Variants in TUBB2A observed in about 807,000 individuals in gnomAD.
TUBB2A encodes the protein tubulin beta 2A class IIa, also known as tubulin beta-2A chain.
TUBB2A carries 7 observed loss-of-function variants against 33.9 expected under a neutral mutation model. The ratio of observed to expected loss-of-function variants is 0.21; its 90% CI spans 0.12 to 0.39. The LOEUF (loss-of-function observed/expected upper bound fraction) is 0.39. Ranked by LOEUF, TUBB2A falls within the 10% of genes least tolerant of loss-of-function variation. TUBB2A has a pLI of 1.00. For missense variants in TUBB2A, 80 were observed against 593.4 expected (o/e 0.13, Z 8.99); for synonymous variants, 187 against 247.6 (o/e 0.76, Z 2.30).
In TUBB2A at chr6:3,155,089, A is replaced by G; in HGVS notation, c.278-166T>C. On this transcript the variant is annotated intron_variant, in intron 3 of 3. Transcript: ENST00000333628. This position sits in a 1 kb window ranked among gnomAD's most constrained non-coding sequence, Gnocchi z 4.2. ...ATATTTTTCTATGTCAGTGACCTCA[A>G]AAACACTGGGGATCATAATAAAGTA... The G allele has an allele frequency of 1.4e-6, 2 of 1,470,636 alleles. No individual in the cohort carries two copies. Among genetic ancestry groups the G allele is most frequent in the Non-Finnish European group, 1.8e-6 (2 of 1,105,474 alleles). The allele number at this position is 1,470,636 out of a possible 1,614,324, so 91.1% of individuals were successfully genotyped here.
Position 3,153,759 on chromosome 6 carries a change from A to C in TUBB2A, c.*104T>G, listed in dbSNP as rs1420258461. ...CCACATCATTACATCAACAGTGTGA[A>C]TTTCTAACAGAGGCAAAACTGAGCA... is the stretch of plus-strand genomic sequence containing the variant. On this transcript the variant is annotated 3_prime_UTR_variant, in exon 4 of 4. Coordinates refer to ENST00000333628, the MANE Select transcript of TUBB2A (RefSeq NM_001069.3). 6.5e-7 allele frequency: 1 copy of C among 1,540,468 alleles called. No individual in the cohort carries two copies. The highest frequency in any genetic ancestry group is 8.8e-7 in the Non-Finnish European group (1 of 1,134,708).
At position 3,155,338 on chromosome 6, in the gene TUBB2A, C is replaced by T. The variant is rs549941743; in HGVS notation, c.277+287G>A. On this transcript the variant is annotated intron_variant, in intron 3 of 3. Coordinates refer to ENST00000333628, the MANE Select transcript of TUBB2A (RefSeq NM_001069.3). This position sits in a 1 kb window ranked among gnomAD's most constrained non-coding sequence, Gnocchi z 4.2. ...TTTTGGCCCCTGGCTCTTTGAAGTC[C>T]TTTCAAGTTGCCTATAGCCTATGAA... Among the ~76,000 whole-genome samples the T allele has an allele frequency of 2.0e-5, 3 of 152,328 alleles. No individual in the cohort carries two copies. The highest frequency in any genetic ancestry group is 7.2e-5 in the African/African-American group (3 of 41,584).
chr6:3,156,667 G>A (rs1161344332), intron 1 of TUBB2A, among the ~76,000 whole-genome samples: 2 of 152,262 alleles, frequency 1.3e-5, no homozygotes, highest in African/African-American at 4.8e-5. Flanking sequence ...GGAGGGACTG[G>A]GCGAAGGGCA....
intron 1 of TUBB2A, among the ~76,000 whole-genome samples, chr6:3,157,007 G>A (rs1398050311): frequency 3.3e-5 from 5 of 152,204 alleles, no homozygotes; most frequent in Non-Finnish European, 7.3e-5. Flanking sequence ...CGACCCAAAG[G>A]GACGCCTCTG....
chr6:3,154,998 G>T, intron 3 of TUBB2A, 75 bp from the exon 4 acceptor site: 1 of 1,596,410 alleles, frequency 6.3e-7, no homozygotes, highest in Non-Finnish European at 8.5e-7. Context: ...CTATGGAGGA[G>T]AAGGTAGGAC....
chr6:3,157,131 A>C (rs1407133518), intron 1 of TUBB2A, among the ~76,000 whole-genome samples: 1 of 152,256 alleles, frequency 6.6e-6, no homozygotes, highest in African/African-American at 2.4e-5. Context: ...CCCCGACCCA[A>C]GTTTCTGAGA....
Position 3,153,817 on chromosome 6 carries a change from G to A in TUBB2A, c.*46C>T, listed in dbSNP as rs1762586745. 1 of 1,609,922 alleles carries A rather than the reference G, an allele frequency of 6.2e-7. No homozygotes were observed. The highest frequency in any genetic ancestry group is 2.2e-5 in the East Asian group (1 of 44,794). On this transcript the variant is annotated 3_prime_UTR_variant, in exon 4 of 4. Coordinates refer to ENST00000333628, the MANE Select transcript of TUBB2A (RefSeq NM_001069.3). The stretch of plus-strand genomic sequence containing the variant: ...TTACAAGTAGAAAGACCATGCTTGA[G>A]GACAACAGAAGTTCACTAAGGATGC...
intron 1 of TUBB2A, among the ~76,000 whole-genome samples, chr6:3,156,695 C>A (rs1762640810): frequency 5.3e-5 from 8 of 152,360 alleles, no homozygotes; most frequent in Admixed American, 5.2e-4. Context: ...CCTGGGAGGG[C>A]ACCTGGGCGG....
chr6:3,155,846 A>G lies in TUBB2A; in HGVS notation c.167-111T>C. On this transcript the variant is annotated intron_variant, in intron 2 of 3. Coordinates refer to ENST00000333628, the MANE Select transcript of TUBB2A (RefSeq NM_001069.3). This position sits in a 1 kb window ranked among gnomAD's most constrained non-coding sequence, Gnocchi z 4.2. ...AACAGGAGATTTTCTGCTTTTAAGAAAAAGGAGGTCCTGAGTGTGCTTAGC... is the reference window on the plus strand; with the variant it reads ...AACAGGAGATTTTCTGCTTTTAAGAGAAAGGAGGTCCTGAGTGTGCTTAGC... The G allele has an allele frequency of 7.5e-7, 1 of 1,340,884 alleles. No homozygotes were observed. The highest frequency in any genetic ancestry group is 1.4e-5 in the South Asian group (1 of 70,510). The allele number at this position is 1,340,884 out of a possible 1,614,324, so 83.1% of individuals were successfully genotyped here. A position where few individuals can be genotyped will look rare whatever the true frequency, so the allele number is the denominator to read the frequency against.
Position 3,153,879 on chromosome 6 carries a change from C to T in TUBB2A, c.1322G>A (p.Gly441Asp), listed in dbSNP as rs1347652843. The change falls in exon 4 of 4, where the codon GGC (glycine) becomes GAC (aspartate). Residue 441 changes from glycine (G) to aspartate (D), a missense_variant. Around this residue, in one of 5 missense-constraint regions of TUBB2A, gnomAD observed 15 missense variants for 23.2 expected, o/e 0.65. Transcript: ENST00000333628. The stretch of plus-strand genomic sequence containing the variant: ...GAGAAGTTTTTAAGCCTCGTCCTCG[C>T]CCTCCTCCTCCTCGAACTCCCCTTG... ...DEQGEFEEEEGEDEA is the reference protein window; with the variant it reads ...DEQGEFEEEEDEDEA 1 of 1,613,918 alleles carries T rather than the reference C, an allele frequency of 6.2e-7. No homozygotes were observed. The highest frequency in any genetic ancestry group is 1.3e-5 in the African/African-American group (1 of 74,876).
At chr6:3,157,341 C>G in intron 1 of TUBB2A, 66 bp downstream of exon 1, 1 of 1,344,230 alleles carries the variant, frequency 7.4e-7, no homozygotes, top group Non-Finnish European at 9.5e-7. Flanking sequence ...GGCCTCCAGC[C>G]CCCGCCCCGG....
chr6:3,155,961 T>G lies in TUBB2A; in HGVS notation c.166+83A>C. On this transcript the variant is annotated intron_variant, in intron 2 of 3. Transcript: ENST00000333628. The surrounding 1 kb of genome is among the most constrained non-coding windows in gnomAD (Gnocchi z 4.2). ...AATGAATATGCAAGAAGCATGCCTT[T>G]GTCACGTGCATGTTCCTGGGACGTT... is the stretch of plus-strand genomic sequence containing the variant. 1 of 1,446,374 alleles carries G rather than the reference T, an allele frequency of 6.9e-7. No individual in the cohort carries two copies. 89.6% of individuals were successfully genotyped at this position (1,446,374 alleles called of 1,614,324 possible).
Position 3,155,036 on chromosome 6 carries a change from T to G in TUBB2A, c.278-113A>C. ...GTCTTAGACTGGCAGATTCTTCTCT[T>G]TTGAATACTCTTCTTTTACCTGAAG... On this transcript the variant is annotated intron_variant, in intron 3 of 3. Coordinates refer to ENST00000333628, the MANE Select transcript of TUBB2A (RefSeq NM_001069.3). The surrounding 1 kb of genome is among the most constrained non-coding windows in gnomAD (Gnocchi z 4.2). The G allele has an allele frequency of 6.5e-7, 1 of 1,540,854 alleles. No homozygotes were observed. The highest frequency in any genetic ancestry group is 8.8e-7 in the Non-Finnish European group (1 of 1,139,764).
Position 3,154,634 on chromosome 6 carries a change from G to A in TUBB2A, c.567C>T (p.Val189=). The A allele has an allele frequency of 6.2e-7, 1 of 1,614,068 alleles. No individual in the cohort carries two copies. The highest frequency in any genetic ancestry group is 1.3e-5 in the African/African-American group (1 of 75,028). The change falls in exon 4 of 4, where the codon GTC becomes GTT. Residue 189 remains valine, a synonymous_variant. Coordinates refer to ENST00000333628, the MANE Select transcript of TUBB2A (RefSeq NM_001069.3). ...CATCTGTGTTTTCCACCAGCTGGTG[G>A]ACAGAGAGGGTGGCGTTGTAGGGCT... is the stretch of plus-strand genomic sequence containing the variant. ...VVEPYNATLS[V]HQLVENTDET...
rs898054770 is a variant in TUBB2A at position 3,157,451 on chromosome 6, C to G, written c.13G>C (p.Val5Leu). The change falls in exon 1 of 4, where the codon GTG becomes CTG. Residue 5 changes from valine to leucine, a missense_variant. Around this residue, in one of 5 missense-constraint regions of TUBB2A, gnomAD observed 13 missense variants for 26.6 expected, o/e 0.49. Transcript: ENST00000333628. MREI[V>L]HIQAGQCGNQ... ...CCGCACTGGCCCGCCTGGATGTGCA[C>G]GATCTCGCGCATGGTGCCGGCTGCG... is the stretch of plus-strand genomic sequence containing the variant. 3 of 1,543,252 alleles carry G rather than the reference C, an allele frequency of 1.9e-6. No homozygotes were observed. The highest frequency in any genetic ancestry group is 2.6e-6 in the Non-Finnish European group (3 of 1,151,214).
chr6:3,153,971 C>T lies in TUBB2A; in HGVS notation c.1230G>A (p.Glu410=), dbSNP rs1273796350. Residue 410 remains glutamate (E), a synonymous_variant, in exon 4 of 4, where the codon GAG becomes GAA. Coordinates refer to ENST00000333628, the MANE Select transcript of TUBB2A (RefSeq NM_001069.3). ...GEGMDEMEFT[E]AESNMNDLVS... ...CCAGGTCGTTCATGTTGCTCTCGGCCTCGGTGAACTCCATCTCGTCCATGC... is the reference window on the plus strand; with the variant it reads ...CCAGGTCGTTCATGTTGCTCTCGGCTTCGGTGAACTCCATCTCGTCCATGC... 3 of 1,609,242 alleles carry T rather than the reference C, an allele frequency of 1.9e-6. No individual in the cohort carries two copies. The highest frequency in any genetic ancestry group is 1.4e-5 in the African/African-American group (1 of 73,374).
At chr6:3,156,407 C>A (rs1167745887) in intron 1 of TUBB2A, among the ~76,000 whole-genome samples, 1 of 152,310 alleles carries the variant, frequency 6.6e-6, no homozygotes. Context: ...GGAGGGGACA[C>A]AGCAGATGCC....
Position 3,154,532 on chromosome 6 carries a change from C to T in TUBB2A, c.669G>A (p.Gly223=). 6.2e-7 allele frequency: 1 copy of T among 1,612,092 alleles called. No homozygotes were observed. Among genetic ancestry groups the T allele is most frequent in the Non-Finnish European group, 8.5e-7 (1 of 1,179,484 alleles). The change falls in exon 4 of 4, where the codon GGG becomes GGA. Residue 223 remains glycine (G), a synonymous_variant. Transcript: ENST00000333628. ...RTLKLTTPTY[G]DLNHLVSATM... The stretch of plus-strand genomic sequence containing the variant: ...TGGCCGACACCAGGTGGTTGAGGTC[C>T]CCGTAGGTGGGGGTGGTCAGCTTCA...
At chr6:3,157,277 C>T in intron 1 of TUBB2A, 130 bp downstream of exon 1, 1 of 1,107,932 alleles carries the variant, frequency 9.0e-7, no homozygotes, top group Non-Finnish European at 1.1e-6. Flanking sequence ...CTCCCGGACC[C>T]CGCCCGGCGG....
Sources: allele counts gnomAD v4.1 joint callset (sites outside exome capture counted in the v4.1 genomes callset), GRCh38; gene constraint gnomAD v4.1.1; regional missense constraint gnomAD v4.1.1; non-coding constraint Gnocchi (gnomAD v3.1); transcripts MANE v1.5; gene names NCBI Gene and HGNC (gene_info 2026-07-23, HGNC 2026-07-21).